The following NXPE2 variants were observed in gnomAD, a reference collection of about 807,000 sequenced individuals.
The protein encoded by NXPE2 is NXPE family member 2.
A neutral mutation model predicts 34.4 loss-of-function variants in NXPE2; 34 were observed. That is an observed-to-expected ratio of 0.99 (90% CI 0.75 to 1.31). The LOEUF (loss-of-function observed/expected upper bound fraction) is 1.31. NXPE2 is among the 40% of genes most tolerant of loss of function. NXPE2 has a pLI of 0.00. For missense variants in NXPE2, 649 were observed against 672.5 expected, an observed-to-expected ratio of 0.97 and a Z score of 0.39; for synonymous variants, 235 against 231.3, an observed-to-expected ratio of 1.02 and a Z score of -0.15.
At chr11:114,633,300 T>G in the NXPE2 span, among the ~76,000 whole-genome samples, 3 of 139,476 alleles carry the variant, frequency 2.2e-5, no homozygotes, top group African/African-American at 7.9e-5. Flanking sequence ...AATTCTAATG[T>G]AATAAAATAT....
chr11:114,697,053 TTCTC>T (rs1005936835), intron 2 of NXPE2, among the ~76,000 whole-genome samples: 1 of 152,188 alleles, frequency 6.6e-6, no homozygotes, highest in African/African-American at 2.4e-5. Context: ...CTCTCTGTCT[TTCTC>T]TCTCTCAAAA....
the NXPE2 span, among the ~76,000 whole-genome samples, chr11:114,624,114 T>C: frequency 1.3e-5 from 2 of 151,986 alleles, no homozygotes; most frequent in African/African-American, 4.8e-5. Flanking sequence ...ATGTCGTGGG[T>C]AACCACTGTT....
At chr11:114,632,445 A>G in the NXPE2 span, among the ~76,000 whole-genome samples, 373 of 130,462 alleles carry the variant, frequency 2.9e-3, 8 homozygotes, top group East Asian at 0.06. Context: ...TATAATATAT[A>G]ATTTATAAGA....
the NXPE2 span, among the ~76,000 whole-genome samples, chr11:114,576,975 T>TTA: frequency 1.2e-3 from 154 of 128,148 alleles, 1 homozygote; most frequent in Admixed American, 3.4e-3. Flanking sequence ...AAGAAGATGT[T>TTA]TATATATATA....
chr11:114,560,578 C>T, the NXPE2 span, among the ~76,000 whole-genome samples: 14 of 152,020 alleles, frequency 9.2e-5, no homozygotes, highest in South Asian at 1.5e-3. Flanking sequence ...GATCTTTTAT[C>T]GGTTTGAAAA....
At chr11:114,549,358 A>G in the NXPE2 span, among the ~76,000 whole-genome samples, 1 of 152,118 alleles carries the variant, frequency 6.6e-6, no homozygotes, top group Non-Finnish European at 1.5e-5. Context: ...CTTAAATAAA[A>G]TATTGGCAAG....
chr11:114,530,173 A>C, the NXPE2 span: 1 of 1,596,460 alleles, frequency 6.3e-7, no homozygotes, highest in Non-Finnish European at 8.5e-7. Context: ...AAGTATACTC[A>C]CCTGTGGAAA....
the NXPE2 span, among the ~76,000 whole-genome samples, chr11:114,726,218 G>T: frequency 6.6e-6 from 1 of 151,706 alleles, no homozygotes; most frequent in East Asian, 1.9e-4. Flanking sequence ...ATTCCAAAAA[G>T]AAGTCAGCTG....
chr11:114,647,700 ATTTTAT>A, the NXPE2 span, among the ~76,000 whole-genome samples: 1 of 144,228 alleles, frequency 6.9e-6, no homozygotes, highest in South Asian at 2.3e-4. Flanking sequence ...GACTTATTTT[ATTTTAT>A]TTTTTTTTTT....
the NXPE2 span, among the ~76,000 whole-genome samples, chr11:114,536,164 A>G: frequency 3.9e-5 from 6 of 152,322 alleles, no homozygotes; most frequent in Non-Finnish European, 7.3e-5. Context: ...AAACTGAACA[A>G]CCTGCTTCTG....
At chr11:114,715,296 G>C in the NXPE2 span, among the ~76,000 whole-genome samples, 1 of 152,170 alleles carries the variant, frequency 6.6e-6, no homozygotes, top group African/African-American at 2.4e-5. Flanking sequence ...AGTTTTCAGA[G>C]ATTCATGCTT....
the NXPE2 span, among the ~76,000 whole-genome samples, chr11:114,794,657 G>A: frequency 6.6e-6 from 1 of 152,192 alleles, no homozygotes; most frequent in African/African-American, 2.4e-5. Flanking sequence ...CAATCTGTCT[G>A]TTCTGTATGC....
the NXPE2 span, among the ~76,000 whole-genome samples, chr11:114,596,856 G>T: frequency 2.6e-5 from 4 of 152,252 alleles, no homozygotes; most frequent in African/African-American, 9.6e-5. Context: ...CCTGGAGTCT[G>T]TTTATGAGGT....
upstream of NXPE2, among the ~76,000 whole-genome samples, chr11:114,675,510 A>G (rs1034880569): frequency 1.3e-5 from 2 of 151,900 alleles, no homozygotes; most frequent in Non-Finnish European, 2.9e-5. Context: ...ATACGCTAAC[A>G]ATAAACTATC....
At chr11:114,517,444 T>C in the NXPE2 span, among the ~76,000 whole-genome samples, 1 of 152,192 alleles carries the variant, frequency 6.6e-6, no homozygotes, top group Non-Finnish European at 1.5e-5. Context: ...TTTATTTTGA[T>C]TCTTCCTTCT....
At chr11:114,669,319 C>T in the NXPE2 span, among the ~76,000 whole-genome samples, 1 of 152,058 alleles carries the variant, frequency 6.6e-6, no homozygotes, top group Non-Finnish European at 1.5e-5. Context: ...GCCACAAAAT[C>T]CTTCCATCTT....
chr11:114,723,710 A>G, the NXPE2 span, among the ~76,000 whole-genome samples: 1 of 152,138 alleles, frequency 6.6e-6, no homozygotes, highest in Non-Finnish European at 1.5e-5. Context: ...TTAGCTTTAC[A>G]AAGTCTCTGG....
At chr11:114,801,504 A>G in the NXPE2 span, among the ~76,000 whole-genome samples, 1 of 152,198 alleles carries the variant, frequency 6.6e-6, no homozygotes, top group African/African-American at 2.4e-5. Flanking sequence ...ATTATTGTAA[A>G]AGCAATTGTA....
the NXPE2 span, among the ~76,000 whole-genome samples, chr11:114,588,275 A>G: frequency 1.3e-5 from 2 of 152,128 alleles, no homozygotes; most frequent in Non-Finnish European, 2.9e-5. Flanking sequence ...TTATCCTTAC[A>G]GGAAATGCTC....
Sources: gnomAD v4.1 joint callset for allele counts (sites outside exome capture counted in the v4.1 genomes callset) on GRCh38, gnomAD v4.1.1 for gene constraint, MANE v1.5 for transcripts, NCBI Gene and HGNC (gene_info 2026-07-23, HGNC 2026-07-21) for gene names.